The following PHF21B variants were observed in gnomAD, a reference collection of about 807,000 sequenced individuals.
PHF21B encodes the protein PHD finger protein 4.
A neutral mutation model predicts 62.2 loss-of-function variants in PHF21B; 22 were observed. The ratio of observed to expected loss-of-function variants is 0.35; its 90% CI spans 0.25 to 0.51. PHF21B has a LOEUF of 0.51. Among genes scored for constraint, PHF21B ranks in the 20% least tolerant of loss-of-function variants. PHF21B has a pLI of 0.97. For synonymous variants in PHF21B, 341 were observed against 314.7 expected, an observed-to-expected ratio of 1.08 and a Z score of -0.88; for missense variants, 701 against 707.9, an observed-to-expected ratio of 0.99 and a Z score of 0.11.
At chr22:44,999,324 C>T (rs556094522) in intron 2 of PHF21B, among the ~76,000 whole-genome samples, 19 of 152,232 alleles carry the variant, frequency 1.2e-4, no homozygotes, top group East Asian at 3.9e-4. Flanking sequence ...GAGAGCAGAA[C>T]GCAAGCCAGA....
intron 4 of PHF21B, among the ~76,000 whole-genome samples, chr22:44,914,801 A>G (rs1246551905): frequency 1.3e-5 from 2 of 152,134 alleles, no homozygotes; most frequent in Non-Finnish European, 2.9e-5. Flanking sequence ...GTTTGATGAA[A>G]CGGTGTGATG....
intron 5 of PHF21B, among the ~76,000 whole-genome samples, chr22:44,897,301 C>A (rs1034284593): frequency 6.6e-6 from 1 of 152,104 alleles, no homozygotes; most frequent in Non-Finnish European, 1.5e-5. Context: ...CGAGCCCCTA[C>A]CCTGCGGTGT....
intron 12 of PHF21B, among the ~76,000 whole-genome samples, chr22:44,884,648 C>T (rs1601559373): frequency 6.7e-6 from 1 of 148,176 alleles, no homozygotes; most frequent in Non-Finnish European, 1.5e-5. Context: ...TCACCACCAT[C>T]ACCATCACTG....
At chr22:44,942,562 C>A (rs2071979508) in intron 2 of PHF21B, among the ~76,000 whole-genome samples, 1 of 152,188 alleles carries the variant, frequency 6.6e-6, no homozygotes. Context: ...CAGCTGACTG[C>A]AGAGCCCATG....
chr22:44,955,844 C>T (rs114770595), intron 2 of PHF21B, among the ~76,000 whole-genome samples: 3,206 of 152,272 alleles, frequency 0.021, 113 homozygotes, highest in African/African-American at 0.072. Flanking sequence ...TGCTCTCTGG[C>T]GAGCCCTGAC....
At chr22:44,917,268 T>A (rs545492381) in intron 3 of PHF21B, among the ~76,000 whole-genome samples, 42 of 152,328 alleles carry the variant, frequency 2.8e-4, no homozygotes, top group African/African-American at 1.0e-3. Flanking sequence ...GTGACACACC[T>A]GAACTGGGCC....
rs7288591 is a variant in PHF21B, at chr22:44,982,498, A to T, written c.120+26047T>A. Among the ~76,000 whole-genome samples, 1,517 of 151,788 alleles carry T rather than the reference A, an allele frequency of 1.0e-2. 21 individuals carry two copies. Among genetic ancestry groups the T allele is most frequent in the African/African-American group, 0.035 (1,448 of 41,396 alleles). ...CAGGCCAGCCAGCCAAGTCTGCAGG[A>T]CTCTAAGCCCGTGTCCTCCCCACTC... is the stretch of plus-strand genomic sequence containing the variant. On this transcript the variant is annotated intron_variant, in intron 2 of 12. Coordinates refer to ENST00000313237, the MANE Select transcript of PHF21B (RefSeq NM_138415.5).
At position 44,887,991 on chromosome 22, in the gene PHF21B, A is replaced by G; in HGVS notation, c.1169T>C (p.Val390Ala). 6.4e-7 allele frequency: 1 copy of G among 1,564,530 alleles called. No homozygotes were observed. The highest frequency in any genetic ancestry group is 1.2e-5 in the South Asian group (1 of 83,568). ...EPPLKTAPKG[V>A]WVCPRCQQKA... ...CTGCTGGCACCTGGGGCACACCCAC[A>G]CGCCCTTGGGCGCCGTCTTGAGGGG... is the stretch of plus-strand genomic sequence containing the variant. The change falls in exon 10 of 13, where the codon GTG becomes GCG. Residue 390 changes from valine to alanine, a missense_variant. Transcript: ENST00000313237.
intron 2 of PHF21B, among the ~76,000 whole-genome samples, chr22:44,943,962 C>T (rs879712509): frequency 6.6e-6 from 1 of 152,168 alleles, no homozygotes; most frequent in Non-Finnish European, 1.5e-5. Context: ...TGTCTTCAGC[C>T]CTTTGGACTC....
intron 2 of PHF21B, among the ~76,000 whole-genome samples, chr22:44,931,898 G>A (rs2071750169): frequency 6.6e-6 from 1 of 152,178 alleles, no homozygotes; most frequent in South Asian, 2.1e-4. Flanking sequence ...CTCCCACCGT[G>A]GGCCCTGCTC....
intron 2 of PHF21B, among the ~76,000 whole-genome samples, chr22:44,928,460 A>T (rs371614726): frequency 2.6e-5 from 4 of 152,174 alleles, no homozygotes; most frequent in Non-Finnish European, 5.9e-5. Context: ...CCCAGGCTGC[A>T]GTGCAATAGC....
chr22:44,913,948 C>T lies in PHF21B; in HGVS notation c.705G>A (p.Gln235=). The change falls in exon 5 of 13, where the codon CAG becomes CAA. Residue 235 remains glutamine (Q), a synonymous_variant. Transcript: ENST00000313237. ...TCTCGGGCTGCGTCTGCACTTGAGG[C>T]TGAATGATGATGACCTGGAAGATGC... ...LHGIFQVIII[Q]PQVQTQPEST... 6.8e-7 allele frequency: 1 copy of T among 1,481,472 alleles called. No homozygotes were observed. Among genetic ancestry groups the T allele is most frequent in the Non-Finnish European group, 9.1e-7 (1 of 1,097,846 alleles). 91.8% of individuals were successfully genotyped at this position (1,481,472 alleles called of 1,614,324 possible).
chr22:44,979,490 T>C (rs1213532825), intron 2 of PHF21B, among the ~76,000 whole-genome samples: 1 of 152,204 alleles, frequency 6.6e-6, no homozygotes, highest in Admixed American at 6.5e-5. Context: ...CTGCAGCCCC[T>C]GGAGGGCAGC....
chr22:44,889,829 G>A, intron 8 of PHF21B, 47 bp from the exon 9 acceptor site: 1 of 1,532,650 alleles, frequency 6.5e-7, no homozygotes, highest in Non-Finnish European at 8.7e-7. Context: ...GCCGTCAGAG[G>A]AGCACAGATC....
intron 5 of PHF21B, among the ~76,000 whole-genome samples, chr22:44,912,904 A>AAAAAAGAC (rs1477500120): frequency 1.3e-5 from 2 of 151,094 alleles, no homozygotes; most frequent in African/African-American, 4.9e-5. Context: ...AAAAGACAAA[A>AAAAAAGAC]AGAAAGGAAA....
intron 10 of PHF21B, among the ~76,000 whole-genome samples, chr22:44,887,413 G>A (rs1039046232): frequency 1.3e-5 from 2 of 152,120 alleles, no homozygotes; most frequent in Admixed American, 1.3e-4. Context: ...AAGATCCAGA[G>A]AATCACACTT....
intron 2 of PHF21B, among the ~76,000 whole-genome samples, chr22:44,922,957 AT>A: frequency 6.6e-6 from 1 of 152,366 alleles, no homozygotes; most frequent in South Asian, 2.1e-4. Context: ...TTTTAAAAAA[AT>A]AGAAATTGAC....
At position 45,009,313 on chromosome 22, in the gene PHF21B, G is replaced by A. The variant is rs2073383112; in HGVS notation, c.54+183C>T. ...CAAACTGTGCAGGACAGCGCCAGGGGCAGGCGGAGGGGAGCCCAGAAGGGG... is the reference window on the plus strand; with the variant it reads ...CAAACTGTGCAGGACAGCGCCAGGGACAGGCGGAGGGGAGCCCAGAAGGGG... On this transcript the variant is annotated intron_variant, in intron 1 of 12. Transcript: ENST00000313237. This position sits in a 1 kb window ranked among gnomAD's most constrained non-coding sequence, Gnocchi z 5.9. 1 of 639,966 alleles carries A rather than the reference G, an allele frequency of 1.6e-6. No homozygotes were observed. The highest frequency in any genetic ancestry group is 2.6e-6 in the Non-Finnish European group (1 of 388,302). The allele number at this position is 639,966 out of a possible 1,614,324, so 39.6% of individuals were successfully genotyped here.
chr22:45,007,181 G>C (rs13055585), intron 2 of PHF21B, among the ~76,000 whole-genome samples: 12,763 of 151,098 alleles, frequency 0.084, 558 homozygotes, highest in Middle Eastern at 0.14. Context: ...GCCCAGACCA[G>C]GCGCGGGCCG....
Sources: gnomAD v4.1 joint callset for allele counts (sites outside exome capture counted in the v4.1 genomes callset) on GRCh38, gnomAD v4.1.1 for gene constraint, Gnocchi (gnomAD v3.1) non-coding constraint, MANE v1.5 for transcripts, NCBI Gene and HGNC (gene_info 2026-07-23, HGNC 2026-07-21) for gene names.